The following ELF1 variants were observed in gnomAD, a reference collection of about 807,000 sequenced individuals.
ELF1 encodes ETS-related transcription factor Elf-1.
Under a neutral mutation model 59.9 loss-of-function variants are expected in ELF1, and 24 were observed. That is an observed-to-expected ratio of 0.40 (90% CI 0.29 to 0.56). ELF1 has a LOEUF of 0.56. ELF1 is among the 20% of genes least tolerant of loss of function. ELF1 has a pLI of 0.44. For missense variants in ELF1, 627 were observed against 742.2 expected, an observed-to-expected ratio of 0.84 and a Z score of 1.80; for synonymous variants, 248 against 266.2, an observed-to-expected ratio of 0.93 and a Z score of 0.67.
At chr13:40,945,693 T>G (rs889260238) in intron 5 of ELF1, among the ~76,000 whole-genome samples, 1 of 152,240 alleles carries the variant, frequency 6.6e-6, no homozygotes, top group Admixed American at 6.5e-5. Context: ...TCTGGAACTT[T>G]GATTAAACAT....
intron 1 of ELF1, among the ~76,000 whole-genome samples, chr13:40,993,897 C>T (rs1419029235): frequency 6.8e-6 from 1 of 146,226 alleles, no homozygotes; most frequent in African/African-American, 2.6e-5. Flanking sequence ...AAGCACAAAT[C>T]GATTTTTTTT....
chr13:41,031,156 TA>T (rs1271837870), intron 1 of ELF1, among the ~76,000 whole-genome samples: 326 of 123,210 alleles, frequency 2.6e-3, no homozygotes, highest in Middle Eastern at 8.4e-3. Flanking sequence ...GAGACCCTAT[TA>T]AAAAAAAAAA....
intron 1 of ELF1, among the ~76,000 whole-genome samples, chr13:41,054,039 A>G (rs1379363082): frequency 6.6e-6 from 1 of 152,164 alleles, no homozygotes; most frequent in Non-Finnish European, 1.5e-5. Context: ...ATAATACCAT[A>G]TGTCTTATAA....
At chr13:41,001,517 C>T (rs1321039893) in intron 1 of ELF1, among the ~76,000 whole-genome samples, 1 of 152,090 alleles carries the variant, frequency 6.6e-6, no homozygotes, top group African/African-American at 2.4e-5. Flanking sequence ...CACTACAAGT[C>T]TTCAAAATAG....
At chr13:41,061,020 G>A (rs986118070) in exon 1 of ELF1, 1 of 216,750 alleles carries the variant, frequency 4.6e-6, no homozygotes, top group Non-Finnish European at 9.9e-6. Flanking sequence ...GGGAGAGGAG[G>A]GGCGGGGCCG....
intron 1 of ELF1, among the ~76,000 whole-genome samples, chr13:41,007,910 T>C (rs974257480): frequency 3.3e-5 from 5 of 152,156 alleles, no homozygotes; most frequent in African/African-American, 1.2e-4. Flanking sequence ...TTTTCCACTG[T>C]GTTGACACTT....
At chr13:40,982,318 C>A in intron 1 of ELF1, 36 bp from the exon 2 acceptor site, 1 of 1,192,262 alleles carries the variant, frequency 8.4e-7, no homozygotes, top group Non-Finnish European at 1.0e-6. Context: ...TATGAAAAAG[C>A]AATCACCCAC....
intron 1 of ELF1, among the ~76,000 whole-genome samples, chr13:41,042,929 A>G (rs1876681850): frequency 1.3e-5 from 2 of 152,188 alleles, no homozygotes; most frequent in Non-Finnish European, 2.9e-5. Context: ...CCAACAGTGT[A>G]AAAGTGTTCC....
chr13:41,018,811 G>A (rs1875566050), intron 1 of ELF1, among the ~76,000 whole-genome samples: 1 of 152,114 alleles, frequency 6.6e-6, no homozygotes, highest in African/African-American at 2.4e-5. Flanking sequence ...CAAAGCCACT[G>A]CCCCTGGATA....
chr13:41,014,146 T>A (rs998756274), intron 1 of ELF1, among the ~76,000 whole-genome samples: 15 of 152,104 alleles, frequency 9.9e-5, no homozygotes, highest in African/African-American at 3.6e-4. Flanking sequence ...AAACAACTTC[T>A]CTAAGTGGTT....
chr13:41,034,208 G>A (rs1461125104), intron 1 of ELF1, among the ~76,000 whole-genome samples: 1 of 152,158 alleles, frequency 6.6e-6, no homozygotes, highest in Non-Finnish European at 1.5e-5. Context: ...AAAGAGATTT[G>A]GGGGGATGAG....
intron 2 of ELF1, among the ~76,000 whole-genome samples, chr13:40,970,417 T>C (rs950757562): frequency 1.3e-5 from 2 of 152,212 alleles, no homozygotes; most frequent in South Asian, 2.1e-4. Context: ...CATTATACTA[T>C]AGAAAACGGG....
intron 1 of ELF1, among the ~76,000 whole-genome samples, chr13:41,044,864 G>C (rs750260279): frequency 7.9e-5 from 12 of 152,156 alleles, no homozygotes; most frequent in South Asian, 4.1e-4. Flanking sequence ...GTTTCAGAAG[G>C]AATGGTACCA....
chr13:41,009,038 C>T (rs370862749), intron 1 of ELF1, among the ~76,000 whole-genome samples: 13 of 151,954 alleles, frequency 8.6e-5, no homozygotes, highest in South Asian at 8.3e-4. Context: ...ATCCTCCTGC[C>T]TCAGGTTCTC....
At chr13:40,958,142 C>A (rs547120936) in intron 3 of ELF1, among the ~76,000 whole-genome samples, 5 of 152,196 alleles carry the variant, frequency 3.3e-5, no homozygotes, top group African/African-American at 1.2e-4. Context: ...AAAGAGAAAG[C>A]ATGTACCAAT....
In ELF1 at chr13:40,933,734, A is replaced by G. The variant is rs1644666929; in HGVS notation, c.1551T>C (p.Asn517=). 1.9e-6 allele frequency: 3 copies of G among 1,614,288 alleles called. No individual in the cohort carries two copies. The highest frequency in any genetic ancestry group is 1.7e-6 in the Non-Finnish European group (2 of 1,180,058). The part of the protein sequence containing the change: ...VLTSNVQTIC[N]GTVSVASSPS... Reference sequence around the variant, plus strand: ...GAGAGGAAGCCACACTGACGGTTCCATTGCAAATGGTCTGAACATTGCTAG... The same window carrying G: ...GAGAGGAAGCCACACTGACGGTTCCGTTGCAAATGGTCTGAACATTGCTAG... The change falls in exon 9 of 9, where the codon AAT becomes AAC. Residue 517 remains asparagine, a synonymous_variant. Transcript: ENST00000239882.
intron 1 of ELF1, among the ~76,000 whole-genome samples, chr13:41,007,771 T>G (rs1231840205): frequency 2.0e-5 from 3 of 152,236 alleles, no homozygotes; most frequent in Non-Finnish European, 4.4e-5. Context: ...TTTGTATTAT[T>G]TCTAATGCTG....
chr13:40,943,492 T>G (rs1042184678), intron 6 of ELF1, among the ~76,000 whole-genome samples: 1 of 152,188 alleles, frequency 6.6e-6, no homozygotes, highest in Non-Finnish European at 1.5e-5. Context: ...AGGTCGGCCA[T>G]AACAGTTTTC....
At chr13:41,021,347 A>G (rs1299928509), upstream of ELF1, among the ~76,000 whole-genome samples, 1 of 152,230 alleles carries the variant, frequency 6.6e-6, no homozygotes, top group African/African-American at 2.4e-5. Context: ...CAAATATCTT[A>G]GCTGTTCCTA....
Sources: gnomAD v4.1 joint callset for allele counts (sites outside exome capture counted in the v4.1 genomes callset) on GRCh38, gnomAD v4.1.1 for gene constraint, MANE v1.5 for transcripts, NCBI Gene and HGNC (gene_info 2026-07-23, HGNC 2026-07-21) for gene names.